NCS1: variants seen among roughly 807,000 people sequenced by gnomAD.
NCS1 encodes frequenin homolog.
A neutral mutation model predicts 28.4 loss-of-function variants in NCS1; 6 were observed. The ratio of observed to expected loss-of-function variants is 0.21; its 90% CI spans 0.12 to 0.42. NCS1 has a LOEUF of 0.42. Among genes scored for constraint, NCS1 ranks in the 10% least tolerant of loss-of-function variants. The pLI, the probability that NCS1 is intolerant of heterozygous loss-of-function variation, is 1.00. For synonymous variants in NCS1, 86 were observed against 99.3 expected (o/e 0.87, Z 0.79); for missense variants, 131 against 241.4 (o/e 0.54, Z 3.03).
chr9:130,184,514 C>T (rs1832714281), intron 1 of NCS1, among the ~76,000 whole-genome samples: 1 of 152,204 alleles, frequency 6.6e-6, no homozygotes, highest in Non-Finnish European at 1.5e-5. Flanking sequence ...CATCCCCGCG[C>T]CTTCACCTAT....
intron 1 of NCS1, among the ~76,000 whole-genome samples, chr9:130,182,949 C>T (rs1429093695): frequency 6.6e-6 from 1 of 152,206 alleles, no homozygotes; most frequent in Non-Finnish European, 1.5e-5. Context: ...AAGGGGACCC[C>T]CGTGACTTTT....
rs1554909186 is a variant in NCS1, at chr9:130,215,141, A to C, written c.90-2691A>C. The stretch of plus-strand genomic sequence containing the variant: ...AAGAAGAAGTAACCATCTGACATCC[A>C]GAGATGTCTGGTGACAGTTGGGTGT... On this transcript the variant is annotated intron_variant, in intron 2 of 7. Transcript: ENST00000372398. The surrounding 1 kb of genome is among the most constrained non-coding windows in gnomAD (Gnocchi z 4.2). Among the ~76,000 whole-genome samples, 4 of 152,268 alleles carry C rather than the reference A, an allele frequency of 2.6e-5. No individual in the cohort carries two copies.
chr9:130,181,650 C>T lies in NCS1; in HGVS notation c.64+8923C>T, dbSNP rs1055680637. Among the ~76,000 whole-genome samples, 11 of 152,222 alleles carry T rather than the reference C, an allele frequency of 7.2e-5. No individual in the cohort carries two copies. The highest frequency in any genetic ancestry group is 2.1e-4 in the South Asian group (1 of 4,828). On this transcript the variant is annotated intron_variant, in intron 1 of 7. Coordinates refer to ENST00000372398, the MANE Select transcript of NCS1 (RefSeq NM_014286.4). This position sits in a 1 kb window ranked among gnomAD's most constrained non-coding sequence, Gnocchi z 5.0. ...GAGTCTGCACACTGAAGCCCTGGGCCGCGGTGAGGGGCCCCTGCTTGGTGG... is the reference window on the plus strand; with the variant it reads ...GAGTCTGCACACTGAAGCCCTGGGCTGCGGTGAGGGGCCCCTGCTTGGTGG...
intron 4 of NCS1, among the ~76,000 whole-genome samples, chr9:130,221,405 TATATATATAGAG>T (rs1257843703): frequency 0.015 from 633 of 41,598 alleles, 4 homozygotes; most frequent in Admixed American, 0.038. Context: ...TATATATATA[TATATATATAGAG>T]AGAGAGAGAG....
chr9:130,214,143 C>CGTGGAGGCACATATG (rs1833152422), intron 2 of NCS1, among the ~76,000 whole-genome samples: 1 of 152,178 alleles, frequency 6.6e-6, no homozygotes, highest in Non-Finnish European at 1.5e-5. Flanking sequence ...GGGGGACTGG[C>CGTGGAGGCACATATG]GTGGAGGCAC....
intron 1 of NCS1, among the ~76,000 whole-genome samples, chr9:130,179,558 A>T (rs1315941939): frequency 3.3e-5 from 5 of 152,152 alleles, no homozygotes; most frequent in African/African-American, 1.2e-4. Flanking sequence ...AAGGCTGGGG[A>T]TGTTTTGAAA....
At chr9:130,203,082 A>G (rs1343218934) in intron 2 of NCS1, among the ~76,000 whole-genome samples, 10 of 140,854 alleles carry the variant, frequency 7.1e-5, no homozygotes, top group African/African-American at 2.4e-4. Flanking sequence ...GTGTGTGTGT[A>G]TACACATACA....
chr9:130,219,889 G>A lies in NCS1; in HGVS notation c.307+86G>A. 1 of 1,393,318 alleles carries A rather than the reference G, an allele frequency of 7.2e-7. No individual in the cohort carries two copies. The highest frequency in any genetic ancestry group is 1.2e-5 in the South Asian group (1 of 85,464). The allele number at this position is 1,393,318 out of a possible 1,614,324, so 86.3% of individuals were successfully genotyped here. On this transcript the variant is annotated intron_variant, in intron 4 of 7. Transcript: ENST00000372398. This position sits in a 1 kb window ranked among gnomAD's most constrained non-coding sequence, Gnocchi z 5.7. ...CAGCCCTCGGCCCTCACCAGGCAGG[G>A]GTGCCAGACACCCACTGCAGTGACC...
chr9:130,178,457 C>T (rs1231635611), intron 1 of NCS1, among the ~76,000 whole-genome samples: 1 of 152,226 alleles, frequency 6.6e-6, no homozygotes, highest in South Asian at 2.1e-4. Flanking sequence ...TTTTCCCCGG[C>T]AGAGGCCTTG....
chr9:130,216,913 G>C (rs958316036), intron 2 of NCS1, among the ~76,000 whole-genome samples: 1 of 151,322 alleles, frequency 6.6e-6, no homozygotes, highest in Non-Finnish European at 1.5e-5. Context: ...CCTCCTGGGG[G>C]TGGGGCGGGA....
At chr9:130,213,525 C>T (rs1162102077) in intron 2 of NCS1, among the ~76,000 whole-genome samples, 3 of 152,044 alleles carry the variant, frequency 2.0e-5, no homozygotes, top group African/African-American at 4.8e-5. Flanking sequence ...GTGATCCGCC[C>T]GTCTCAGCCT....
intron 1 of NCS1, among the ~76,000 whole-genome samples, chr9:130,183,678 TCTTC>T (rs1339126028): frequency 3.3e-5 from 5 of 151,204 alleles, no homozygotes; most frequent in Non-Finnish European, 1.5e-5. Flanking sequence ...TCTCTCTCTT[TCTTC>T]CTTCCTTTCT....
At position 130,179,348 on chromosome 9, in the gene NCS1, AT is replaced by A. The variant is rs569645175; in HGVS notation, c.64+6629del. Among the ~76,000 whole-genome samples the A allele has an allele frequency of 2.4e-3, 364 of 152,098 alleles. 2 individuals carry two copies. The highest frequency in any genetic ancestry group is 8.4e-3 in the African/African-American group (350 of 41,496). On this transcript the variant is annotated intron_variant, in intron 1 of 7. Coordinates refer to ENST00000372398, the MANE Select transcript of NCS1 (RefSeq NM_014286.4). ...TCATGAACTATGCTTTTAGAGCATG[AT>A]TTTTTTTCATGGTGCATCATATGGA... is the stretch of plus-strand genomic sequence containing the variant.
At position 130,177,798 on chromosome 9, in the gene NCS1, C is replaced by T. The variant is rs1207728061; in HGVS notation, c.64+5071C>T. On this transcript the variant is annotated intron_variant, in intron 1 of 7. Coordinates refer to ENST00000372398, the MANE Select transcript of NCS1 (RefSeq NM_014286.4). The surrounding 1 kb of genome is among the most constrained non-coding windows in gnomAD (Gnocchi z 4.4). ...AGGAGAAGCTTTGCAGTCCGGGGAG[C>T]GGGCCAGAAAGACAAAGGGGTTGTT... 2.6e-5 allele frequency among the ~76,000 whole-genome samples: 4 copies of T among 152,284 alleles called. No homozygotes were observed. Among genetic ancestry groups the T allele is most frequent in the Admixed American group, 6.5e-5 (1 of 15,290 alleles).
At chr9:130,198,319 G>A (rs184366082) in intron 1 of NCS1, among the ~76,000 whole-genome samples, 2 of 152,154 alleles carry the variant, frequency 1.3e-5, no homozygotes, top group African/African-American at 2.4e-5. Context: ...AGACATGGGT[G>A]GGGGGTGTCA....
chr9:130,192,537 AG>A lies in NCS1; in HGVS notation c.65-8419del, dbSNP rs1173054093. Among the ~76,000 whole-genome samples the A allele has an allele frequency of 6.6e-6, 1 of 151,920 alleles. No individual in the cohort carries two copies. Among genetic ancestry groups the A allele is most frequent in the African/African-American group, 2.4e-5 (1 of 41,336 alleles). On this transcript the variant is annotated intron_variant, in intron 1 of 7. Coordinates refer to ENST00000372398, the MANE Select transcript of NCS1 (RefSeq NM_014286.4). The surrounding 1 kb of genome is among the most constrained non-coding windows in gnomAD (Gnocchi z 4.8). ...GGAGCGTGGGAGCTGGGGGGCCTGG[AG>A]GTCTCAGGAGTTGACCTCTTTCGTG...
intron 2 of NCS1, among the ~76,000 whole-genome samples, chr9:130,210,714 C>A (rs2131144057): frequency 6.6e-6 from 1 of 152,306 alleles, no homozygotes; most frequent in Middle Eastern, 3.4e-3. Flanking sequence ...GGGGAACCGT[C>A]ACCTGCCCCA....
chr9:130,228,204 C>T (rs539960139), intron 7 of NCS1, among the ~76,000 whole-genome samples: 29 of 150,586 alleles, frequency 1.9e-4, no homozygotes, highest in South Asian at 1.0e-3. Flanking sequence ...TTTTTTTCTG[C>T]GACTGGGTCT....
At chr9:130,216,723 A>T (rs1453650731) in intron 2 of NCS1, among the ~76,000 whole-genome samples, 1 of 152,010 alleles carries the variant, frequency 6.6e-6, no homozygotes, top group Admixed American at 6.5e-5. Flanking sequence ...CTCAAAAAAA[A>T]AAAAAAAAGG....
Sources: gnomAD v4.1 joint callset for allele counts (sites outside exome capture counted in the v4.1 genomes callset) on GRCh38, gnomAD v4.1.1 for gene constraint, Gnocchi (gnomAD v3.1) non-coding constraint, MANE v1.5 for transcripts, NCBI Gene and HGNC (gene_info 2026-07-23, HGNC 2026-07-21) for gene names.